Variants in PLCB1 observed in about 807,000 individuals in gnomAD.
The protein encoded by PLCB1 is phospholipase C beta 1, also known as 1-phosphatidylinositol 4,5-bisphosphate phosphodiesterase beta-1.
PLCB1 carries 46 observed loss-of-function variants against 161.8 expected under a neutral mutation model. That is an observed-to-expected ratio of 0.28 (90% CI 0.22 to 0.36). PLCB1 has a LOEUF of 0.36. PLCB1 is among the 10% of genes least tolerant of loss of function. The pLI is 1.00. For synonymous variants in PLCB1, 517 were observed against 503.7 expected (o/e 1.03, Z -0.35); for missense variants, 1,016 against 1,472.5 (o/e 0.69, Z 5.07).
intron 2 of PLCB1, among the ~76,000 whole-genome samples, chr20:8,351,550 A>G (rs534104082): frequency 2.3e-4 from 35 of 152,178 alleles, no homozygotes; most frequent in African/African-American, 7.9e-4. Context: ...GAATGAAAGG[A>G]AAAGACATAG....
intron 3 of PLCB1, among the ~76,000 whole-genome samples, chr20:8,553,309 G>A (rs1440693565): frequency 2.0e-5 from 3 of 152,162 alleles, no homozygotes; most frequent in Non-Finnish European, 4.4e-5. Context: ...ATTTAGATTT[G>A]CTATTGAAGT....
At chr20:8,685,809 T>C (rs1469095780) in intron 10 of PLCB1, among the ~76,000 whole-genome samples, 1 of 152,146 alleles carries the variant, frequency 6.6e-6, no homozygotes, top group Admixed American at 6.5e-5. Flanking sequence ...AAAAACAAAT[T>C]GACCTGTGAA....
At chr20:8,596,923 G>C (rs1476376441) in intron 3 of PLCB1, among the ~76,000 whole-genome samples, 22 of 152,394 alleles carry the variant, frequency 1.4e-4, no homozygotes, top group African/African-American at 5.3e-4. Context: ...TGGTGTATAA[G>C]AATGCTTGTG....
chr20:8,252,699 T>C (rs1981213101), intron 2 of PLCB1, among the ~76,000 whole-genome samples: 1 of 150,524 alleles, frequency 6.6e-6, no homozygotes, highest in Non-Finnish European at 1.5e-5. Context: ...CCCCATCCAC[T>C]GTCCCTTACT....
chr20:8,382,269 G>T (rs1209789275), intron 3 of PLCB1, among the ~76,000 whole-genome samples: 1 of 149,776 alleles, frequency 6.7e-6, no homozygotes, highest in Non-Finnish European at 1.5e-5. Flanking sequence ...GTGGTTTTGA[G>T]TGAGTTTCTT....
intron 3 of PLCB1, among the ~76,000 whole-genome samples, chr20:8,541,033 G>A (rs963200287): frequency 2.0e-5 from 3 of 152,118 alleles, no homozygotes; most frequent in Admixed American, 6.5e-5. Context: ...AGAAGCCTCC[G>A]TTAACGTTGA....
intron 2 of PLCB1, among the ~76,000 whole-genome samples, chr20:8,172,075 A>G (rs745469176): frequency 7.2e-5 from 11 of 152,092 alleles, no homozygotes; most frequent in Non-Finnish European, 1.3e-4. Context: ...GTTGGGGTCT[A>G]TGTATAGGAA....
chr20:8,837,471 G>A (rs768699635), intron 31 of PLCB1, among the ~76,000 whole-genome samples: 14 of 152,184 alleles, frequency 9.2e-5, no homozygotes, highest in Admixed American at 2.0e-4. Context: ...GAAGCAGACA[G>A]CATGCATTTA....
intron 9 of PLCB1, among the ~76,000 whole-genome samples, chr20:8,675,448 G>GA: frequency 6.6e-6 from 1 of 152,164 alleles, no homozygotes; most frequent in Middle Eastern, 3.4e-3. Flanking sequence ...CTTCTCATTA[G>GA]AAAAAATATA....
At chr20:8,652,442 C>T (rs868438649) in intron 7 of PLCB1, 1 of 152,092 alleles carries the variant, frequency 6.6e-6, no homozygotes, top group Admixed American at 6.6e-5. Context: ...TTTCTGTGAA[C>T]TGACTATGAT....
intron 3 of PLCB1, among the ~76,000 whole-genome samples, chr20:8,532,283 C>A (rs1388955935): frequency 6.6e-6 from 1 of 152,184 alleles, no homozygotes; most frequent in African/African-American, 2.4e-5. Context: ...GCTGTTTTAT[C>A]ATTTACTAAG....
At chr20:8,659,757 C>A (rs1600231708) in intron 9 of PLCB1, among the ~76,000 whole-genome samples, 1 of 152,120 alleles carries the variant, frequency 6.6e-6, no homozygotes, top group South Asian at 2.1e-4. Flanking sequence ...TTTGGGAGGC[C>A]AAGGCGGGTG....
At chr20:8,619,053 C>G (rs1361326051) in intron 3 of PLCB1, among the ~76,000 whole-genome samples, 2 of 151,938 alleles carry the variant, frequency 1.3e-5, no homozygotes, top group Non-Finnish European at 2.9e-5. Flanking sequence ...GATAAATTAC[C>G]CATTTACTTC....
At chr20:8,513,905 G>C (rs1213921145) in intron 3 of PLCB1, among the ~76,000 whole-genome samples, 1 of 152,016 alleles carries the variant, frequency 6.6e-6, no homozygotes. Flanking sequence ...GTGTGTGCCT[G>C]TAGTCCCAGC....
intron 7 of PLCB1, chr20:8,652,734 T>C (rs1989355034): frequency 6.6e-6 from 1 of 152,082 alleles, no homozygotes; most frequent in South Asian, 2.1e-4. Flanking sequence ...TAAAACATGA[T>C]ATTACTGCAC....
intron 3 of PLCB1, among the ~76,000 whole-genome samples, chr20:8,508,237 G>A (rs1983723393): frequency 6.6e-6 from 1 of 152,152 alleles, no homozygotes; most frequent in South Asian, 2.1e-4. Flanking sequence ...ACTCCTTCCT[G>A]GGCAGGGTTT....
intron 3 of PLCB1, among the ~76,000 whole-genome samples, chr20:8,588,661 C>T (rs1307584677): frequency 6.6e-6 from 1 of 152,150 alleles, no homozygotes; most frequent in Non-Finnish European, 1.5e-5. Flanking sequence ...AAGCAGCTAT[C>T]TGCAGAACAA....
At chr20:8,828,727 G>T (rs1240155554) in intron 31 of PLCB1, among the ~76,000 whole-genome samples, 1 of 152,170 alleles carries the variant, frequency 6.6e-6, no homozygotes, top group Non-Finnish European at 1.5e-5. Context: ...TGATAATGTT[G>T]ATGGACAAGA....
At chr20:8,829,299 G>A (rs1404771747) in intron 31 of PLCB1, among the ~76,000 whole-genome samples, 2 of 152,130 alleles carry the variant, frequency 1.3e-5, no homozygotes, top group African/African-American at 4.8e-5. Flanking sequence ...CTCAGGCATG[G>A]CTCAGGTTCA....
Sources: gnomAD v4.1 joint callset for allele counts (sites outside exome capture counted in the v4.1 genomes callset) on GRCh38, gnomAD v4.1.1 for gene constraint, MANE v1.5 for transcripts, NCBI Gene and HGNC (gene_info 2026-07-23, HGNC 2026-07-21) for gene names.